Variants in PCDHGA3 observed in about 807,000 individuals in gnomAD.
PCDHGA3 encodes the protein protocadherin gamma-A3.
A neutral mutation model predicts 58.5 loss-of-function variants in PCDHGA3; 40 were observed. The ratio of observed to expected loss-of-function variants is 0.68; its 90% CI spans 0.53 to 0.89. The LOEUF (loss-of-function observed/expected upper bound fraction) is 0.89, where lower values mean the gene tolerates loss of function less well. Among genes scored for constraint, PCDHGA3 ranks in the 40% least tolerant of loss-of-function variants. The pLI, the probability that PCDHGA3 is intolerant of heterozygous loss-of-function variation, is 0.00. For synonymous variants in PCDHGA3, 530 were observed against 525.7 expected, an observed-to-expected ratio of 1.01 and a Z score of -0.11; for missense variants, 1,223 against 1,195.9, an observed-to-expected ratio of 1.02 and a Z score of -0.33.
intron 1 of PCDHGA3, chr5:141,385,096 G>T (rs746092295): frequency 6.2e-7 from 1 of 1,614,190 alleles, no homozygotes; most frequent in Non-Finnish European, 8.5e-7. Context: ...AGGTGGCTTG[G>T]CGAACGTGCC....
chr5:141,365,797 C>T (rs376466748), intron 1 of PCDHGA3: 1 of 1,613,978 alleles, frequency 6.2e-7, no homozygotes, highest in Non-Finnish European at 8.5e-7. Context: ...GAGTCACCTA[C>T]TCCCTGGCTG....
chr5:141,485,561 G>A lies in PCDHGA3; in HGVS notation c.2425-9246G>A. 1.9e-6 allele frequency: 3 copies of A among 1,613,008 alleles called. No homozygotes were observed. The highest frequency in any genetic ancestry group is 1.1e-5 in the South Asian group (1 of 91,026). ...AGAGATCGTAGATGTGAATGATCACGCCCCCCGTTTTCCGCGGCAGCAGCT... is the reference window on the plus strand; with the variant it reads ...AGAGATCGTAGATGTGAATGATCACACCCCCCGTTTTCCGCGGCAGCAGCT... On this transcript the variant is annotated intron_variant, in intron 1 of 3. Transcript: ENST00000253812. The surrounding 1 kb of genome is among the most constrained non-coding windows in gnomAD (Gnocchi z 5.7).
At chr5:141,372,833 T>C (rs1317318812) in intron 1 of PCDHGA3, 6 of 1,538,022 alleles carry the variant, frequency 3.9e-6, no homozygotes, top group Non-Finnish European at 5.3e-6. Flanking sequence ...AACCTTTCCT[T>C]CCATAAATAT....
intron 1 of PCDHGA3, chr5:141,371,563 TC>T: frequency 6.2e-7 from 1 of 1,613,806 alleles, no homozygotes; most frequent in Non-Finnish European, 8.5e-7. Context: ...AAAGGAAACT[TC>T]CCCTTTAAAA....
intron 1 of PCDHGA3, chr5:141,372,279 G>A: frequency 6.2e-7 from 1 of 1,613,176 alleles, no homozygotes; most frequent in Middle Eastern, 1.7e-4. Context: ...GGTGCGCACG[G>A]CGCGTACCTT....
rs189734474 is a variant in PCDHGA3, at chr5:141,512,858, G to T, written c.*1685G>T. 1 of 152,296 alleles carries T rather than the reference G, an allele frequency of 6.6e-6. No individual in the cohort carries two copies. The highest frequency in any genetic ancestry group is 1.9e-4 in the East Asian group (1 of 5,182). 9.4% of individuals were successfully genotyped at this position (152,296 alleles called of 1,614,324 possible). ...ACTTCTCCTATAAGCGCTTCTCTTC[G>T]CATAGTCACGTAGCTCCCACCCCAC... On this transcript the variant is annotated 3_prime_UTR_variant, in exon 4 of 4. Coordinates refer to ENST00000253812, the MANE Select transcript of PCDHGA3 (RefSeq NM_018916.4).
chr5:141,405,407 C>CT lies in PCDHGA3; in HGVS notation c.2424+58957dup, dbSNP rs762612492. 13 of 1,582,050 alleles carry CT rather than the reference C, an allele frequency of 8.2e-6. No individual in the cohort carries two copies. In the East Asian group the frequency reaches 1.6e-4, roughly 19 times the overall value. On this transcript the variant is annotated intron_variant, in intron 1 of 3. Transcript: ENST00000253812. Reference sequence around the variant, plus strand: ...TTCATTTTTTTTCTTTCTTTCTTTTCTTTTTTTGTTTTTTGTTTTGTTTTG... The same window carrying CT: ...TTCATTTTTTTTCTTTCTTTCTTTTCTTTTTTTTGTTTTTTGTTTTGTTTTG...
intron 1 of PCDHGA3, among the ~76,000 whole-genome samples, chr5:141,470,385 T>C (rs1278833959): frequency 1.3e-5 from 2 of 152,206 alleles, no homozygotes; most frequent in Non-Finnish European, 2.9e-5. Flanking sequence ...GACTACTCGA[T>C]GATATTTAGG....
chr5:141,395,364 A>G, intron 1 of PCDHGA3: 1 of 1,264,440 alleles, frequency 7.9e-7, no homozygotes, highest in Non-Finnish European at 1.1e-6. Flanking sequence ...TTTTGGGTTT[A>G]TTTTGGTGGT....
At chr5:141,452,082 T>C (rs924362905) in intron 1 of PCDHGA3, among the ~76,000 whole-genome samples, 6 of 152,358 alleles carry the variant, frequency 3.9e-5, no homozygotes, top group Admixed American at 6.5e-5. Flanking sequence ...GTTGGCATTA[T>C]ACAGTAAGAA....
At chr5:141,430,689 T>A in intron 1 of PCDHGA3, 1 of 1,408,998 alleles carries the variant, frequency 7.1e-7, no homozygotes, top group Non-Finnish European at 9.4e-7. Flanking sequence ...TCCCATTCTA[T>A]GGGCGAAGGA....
At chr5:141,355,268 T>C (rs1220668152) in intron 1 of PCDHGA3, 1 of 1,613,650 alleles carries the variant, frequency 6.2e-7, no homozygotes, top group Admixed American at 1.7e-5. Flanking sequence ...CTGGGGGTTC[T>C]GGTGGAAATC....
intron 1 of PCDHGA3, among the ~76,000 whole-genome samples, chr5:141,425,058 G>A (rs938128250): frequency 1.3e-5 from 2 of 151,986 alleles, no homozygotes; most frequent in African/African-American, 2.4e-5. Context: ...TCTAGGGCTC[G>A]GACAAAAATA....
At chr5:141,388,209 G>A in intron 1 of PCDHGA3, 1 of 1,586,286 alleles carries the variant, frequency 6.3e-7, no homozygotes, top group Non-Finnish European at 8.6e-7. Context: ...ATTTGAGGCT[G>A]TTGCTGAAAA....
chr5:141,467,409 C>T (rs2099143590), intron 1 of PCDHGA3, among the ~76,000 whole-genome samples: 1 of 152,132 alleles, frequency 6.6e-6, no homozygotes, highest in South Asian at 2.1e-4. Context: ...GAAAGCCTTT[C>T]CCCACACCTA....
chr5:141,351,141 C>T (rs900188384), intron 1 of PCDHGA3: 17 of 1,614,030 alleles, frequency 1.1e-5, no homozygotes, highest in East Asian at 2.2e-5. Flanking sequence ...AATCCAAATA[C>T]TGGCGACATC....
intron 1 of PCDHGA3, chr5:141,388,825 C>G: frequency 6.2e-7 from 1 of 1,613,910 alleles, no homozygotes; most frequent in Non-Finnish European, 8.5e-7. Flanking sequence ...AAAGAATATT[C>G]CATAGTTTTG....
intron 2 of PCDHGA3, among the ~76,000 whole-genome samples, chr5:141,497,980 G>A (rs983045402): frequency 2.0e-5 from 3 of 152,168 alleles, no homozygotes; most frequent in African/African-American, 7.2e-5. Context: ...GATGTGGGAG[G>A]CCCCTGCCCT....
In PCDHGA3 at chr5:141,485,697, A is replaced by G. The variant is rs76923861; in HGVS notation, c.2425-9110A>G. 48,100 of 1,614,036 alleles carry G rather than the reference A, an allele frequency of 0.03. 1,433 individuals carry two copies. Among genetic ancestry groups the G allele is most frequent in the African/African-American group, 0.15 (11,542 of 75,006 alleles). The stretch of plus-strand genomic sequence containing the variant: ...ATTAGCAGCTATAGGCTGAGCTCCA[A>G]TGAACACTTTGCACTGGATGTGAAG... On this transcript the variant is annotated intron_variant, in intron 1 of 3. Transcript: ENST00000253812. The surrounding 1 kb of genome is among the most constrained non-coding windows in gnomAD (Gnocchi z 5.7).
Sources: allele counts gnomAD v4.1 joint callset (sites outside exome capture counted in the v4.1 genomes callset), GRCh38; gene constraint gnomAD v4.1.1; non-coding constraint Gnocchi (gnomAD v3.1); transcripts MANE v1.5; gene names NCBI Gene and HGNC (gene_info 2026-07-23, HGNC 2026-07-21).